Variants in C3orf70 observed in about 807,000 individuals in gnomAD.
C3orf70 encodes the protein chromosome 3 open reading frame 70.
C3orf70 carries 15 observed loss-of-function variants against 20.7 expected under a neutral mutation model. The observed-to-expected ratio is 0.72, with a 90% confidence interval of 0.48 to 1.11. The LOEUF (loss-of-function observed/expected upper bound fraction) is 1.11, where lower values mean the gene tolerates loss of function less well. C3orf70 is among the 50% of genes most tolerant of loss of function. C3orf70 has a pLI of 0.00. For missense variants in C3orf70, 332 were observed against 317.6 expected (o/e 1.05, Z -0.34); for synonymous variants, 161 against 125.7 (o/e 1.28, Z -1.88).
At chr3:185,112,945 G>A (rs11915373) in intron 1 of C3orf70, among the ~76,000 whole-genome samples, 7,902 of 152,098 alleles carry the variant, frequency 0.052, 667 homozygotes, top group African/African-American at 0.18. Context: ...TTCAGTAAAA[G>A]TTCTCATGAC....
intron 1 of C3orf70, among the ~76,000 whole-genome samples, chr3:185,111,519 C>T (rs1716072399): frequency 6.6e-6 from 1 of 152,124 alleles, no homozygotes; most frequent in African/African-American, 2.4e-5. Context: ...AACAAAACCG[C>T]AATGAGCTAC....
At chr3:185,152,496 C>T in intron 1 of C3orf70, 132 bp downstream of exon 1, 1 of 700,718 alleles carries the variant, frequency 1.4e-6, no homozygotes. Flanking sequence ...CCACGGCGGC[C>T]CCAGCCTCCG....
intron 1 of C3orf70, among the ~76,000 whole-genome samples, chr3:185,140,537 C>T (rs1337008749): frequency 6.6e-6 from 1 of 152,126 alleles, no homozygotes; most frequent in Non-Finnish European, 1.5e-5. Context: ...GTTTGTCCCC[C>T]AAAATTCATA....
At chr3:185,139,218 A>G (rs533877323) in intron 1 of C3orf70, among the ~76,000 whole-genome samples, 3 of 150,962 alleles carry the variant, frequency 2.0e-5, no homozygotes, top group African/African-American at 7.3e-5. Flanking sequence ...AAGAAGGGGC[A>G]AGAAAGAAGA....
intron 1 of C3orf70, among the ~76,000 whole-genome samples, chr3:185,138,439 C>T (rs1203068838): frequency 1.4e-5 from 2 of 144,932 alleles, no homozygotes; most frequent in African/African-American, 5.1e-5. Flanking sequence ...ACCAGACAGA[C>T]AGTAATAATA....
intron 1 of C3orf70, among the ~76,000 whole-genome samples, chr3:185,123,133 C>T (rs1019130346): frequency 2.2e-4 from 32 of 144,026 alleles, no homozygotes; most frequent in East Asian, 8.3e-4. Context: ...GAGCCAAGAT[C>T]GCGCCACTGC....
At chr3:185,110,025 C>A (rs138781932) in intron 1 of C3orf70, among the ~76,000 whole-genome samples, 2,701 of 152,266 alleles carry the variant, frequency 0.018, 79 homozygotes, top group African/African-American at 0.062. Flanking sequence ...TTCAGCTGGT[C>A]TGAACAAAAC....
intron 1 of C3orf70, among the ~76,000 whole-genome samples, chr3:185,103,286 C>T (rs1331587916): frequency 6.6e-6 from 1 of 152,044 alleles, no homozygotes; most frequent in Non-Finnish European, 1.5e-5. Context: ...CCATTCTGGA[C>T]ATAGGAACGG....
At chr3:185,097,239 T>C (rs989116390) in intron 1 of C3orf70, among the ~76,000 whole-genome samples, 16 of 152,166 alleles carry the variant, frequency 1.1e-4, no homozygotes, top group African/African-American at 3.9e-4. Context: ...AATAAGATAA[T>C]AAATGTCATA....
chr3:185,088,848 CCAT>C (rs1281717736), intron 1 of C3orf70, among the ~76,000 whole-genome samples: 1 of 152,148 alleles, frequency 6.6e-6, no homozygotes, highest in Non-Finnish European at 1.5e-5. Flanking sequence ...AAACCACACA[CCAT>C]GATTCTTCAG....
At chr3:185,121,061 G>T (rs1451202718) in intron 1 of C3orf70, among the ~76,000 whole-genome samples, 1 of 152,162 alleles carries the variant, frequency 6.6e-6, no homozygotes. Context: ...AAAAAGGAAT[G>T]AAGTAATGGC....
At chr3:185,117,137 C>T (rs1475597626) in intron 1 of C3orf70, among the ~76,000 whole-genome samples, 1 of 152,142 alleles carries the variant, frequency 6.6e-6, no homozygotes, top group East Asian at 1.9e-4. Flanking sequence ...ACATTTATTA[C>T]CAATTATTTA....
Position 185,152,704 on chromosome 3 carries a change from C to G in C3orf70, c.120G>C (p.Gly40=). The change falls in exon 1 of 2, where the codon GGG becomes GGC. Residue 40 remains glycine, a synonymous_variant. Transcript: ENST00000335012. Reference sequence around the variant, plus strand: ...GGCTGTGCGTGGCACAGATAGACAGCCCGTCGCACGGCTGGAAGTCGGGTC... The same window carrying G: ...GGCTGTGCGTGGCACAGATAGACAGGCCGTCGCACGGCTGGAAGTCGGGTC... The part of the protein sequence containing the change: ...ARRPDFQPCD[G]LSICATHSHG... 6.3e-7 allele frequency: 1 copy of G among 1,593,324 alleles called. No homozygotes were observed. The highest frequency in any genetic ancestry group is 8.5e-7 in the Non-Finnish European group (1 of 1,170,402).
At chr3:185,114,806 A>C (rs947805618) in intron 1 of C3orf70, among the ~76,000 whole-genome samples, 49 of 152,236 alleles carry the variant, frequency 3.2e-4, no homozygotes, top group African/African-American at 1.2e-3. Flanking sequence ...ATTAAAATCC[A>C]GATCTCCAGA....
At position 185,151,525 on chromosome 3, in the gene C3orf70, C is replaced by A. The variant is rs1716988773; in HGVS notation, c.196+1103G>T. On this transcript the variant is annotated intron_variant, in intron 1 of 1. Transcript: ENST00000335012. ...CATAAGCAAATGGAACACCAGAAAT[C>A]AATACTGTTCTATGTGCCTGGAATT... Among the ~76,000 whole-genome samples the A allele has an allele frequency of 2.0e-5, 3 of 152,142 alleles. No individual in the cohort carries two copies. In the South Asian group the frequency reaches 6.2e-4, roughly 32 times the overall value.
chr3:185,123,465 T>C (rs560013688), intron 1 of C3orf70, among the ~76,000 whole-genome samples: 1 of 151,908 alleles, frequency 6.6e-6, no homozygotes, highest in African/African-American at 2.4e-5. Flanking sequence ...TTACCAACTA[T>C]AGTGCCTTTA....
chr3:185,096,792 C>A (rs73885687), intron 1 of C3orf70, among the ~76,000 whole-genome samples: 2,021 of 152,118 alleles, frequency 0.013, 52 homozygotes, highest in African/African-American at 0.046. Flanking sequence ...AGACCTCCTG[C>A]CCACACTAAG....
chr3:185,087,389 A>T (rs1286488165), intron 1 of C3orf70, among the ~76,000 whole-genome samples: 3 of 152,230 alleles, frequency 2.0e-5, no homozygotes, highest in African/African-American at 7.2e-5. Context: ...CAGCAGCATC[A>T]CTGGCAATAT....
At chr3:185,098,876 G>A (rs1715763913) in intron 1 of C3orf70, among the ~76,000 whole-genome samples, 1 of 152,176 alleles carries the variant, frequency 6.6e-6, no homozygotes, top group Non-Finnish European at 1.5e-5. Context: ...AATCTCCAGT[G>A]ATTTCCCGTG....
Sources: allele counts gnomAD v4.1 joint callset (sites outside exome capture counted in the v4.1 genomes callset), GRCh38; gene constraint gnomAD v4.1.1; transcripts MANE v1.5; gene names NCBI Gene and HGNC (gene_info 2026-07-23, HGNC 2026-07-21).